Variants in HNRNPM observed in about 807,000 individuals in gnomAD.
HNRNPM encodes heterogeneous nuclear ribonucleoprotein M.
HNRNPM carries 11 observed loss-of-function variants against 73.1 expected under a neutral mutation model. The observed-to-expected ratio is 0.15, with a 90% CI of 0.09 to 0.25. The LOEUF is 0.25. Ranked by LOEUF, HNRNPM falls within the 10% of genes least tolerant of loss-of-function variation. The probability of loss-of-function intolerance (pLI) is 1.00; values close to 1 mark genes in which losing one functional copy is unlikely to be tolerated. For synonymous variants in HNRNPM, 407 were observed against 355.2 expected, an observed-to-expected ratio of 1.15 and a Z score of -1.64; for missense variants, 789 against 1,067.9, an observed-to-expected ratio of 0.74 and a Z score of 3.64.
chr19:8,448,704 C>T (rs913332009), intron 1 of HNRNPM, among the ~76,000 whole-genome samples: 6 of 151,832 alleles, frequency 4.0e-5, no homozygotes, highest in Non-Finnish European at 5.9e-5. Context: ...AGGATGGTCT[C>T]GATCTCCTGA....
intron 5 of HNRNPM, among the ~76,000 whole-genome samples, chr19:8,465,007 C>T (rs1208715687): frequency 6.6e-6 from 1 of 152,206 alleles, no homozygotes; most frequent in Non-Finnish European, 1.5e-5. Context: ...CCATGAAGCT[C>T]TAATTTCAGT....
At chr19:8,474,714 CTTTTT>C (rs59543782) in intron 12 of HNRNPM, among the ~76,000 whole-genome samples, 2 of 117,850 alleles carry the variant, frequency 1.7e-5, no homozygotes, top group Non-Finnish European at 3.9e-5. Context: ...CCTCCACCAA[CTTTTT>C]TTTTTTTTTT....
chr19:8,466,549 C>T lies in HNRNPM; in HGVS notation c.784+161C>T, dbSNP rs562620642. The stretch of plus-strand genomic sequence containing the variant: ...AATTAAGAGGTTCTCTGGGCCGGAC[C>T]GGTCACGGTGGCTCACGCCTGTAAT... On this transcript the variant is annotated intron_variant, in intron 7 of 15. Transcript: ENST00000325495. Among the ~76,000 whole-genome samples, 12 of 152,012 alleles carry T rather than the reference C, an allele frequency of 7.9e-5. No homozygotes were observed. The East Asian group carries it at 1.4e-3, about 17-fold the overall frequency.
At chr19:8,487,144 A>T in intron 15 of HNRNPM, 69 bp downstream of exon 15, 1 of 1,308,242 alleles carries the variant, frequency 7.6e-7, no homozygotes, top group Non-Finnish European at 1.1e-6. Flanking sequence ...AGTCAGCAGC[A>T]AAACCTCCCT....
At chr19:8,446,200 C>T (rs1402145685) in intron 1 of HNRNPM, among the ~76,000 whole-genome samples, 1 of 152,150 alleles carries the variant, frequency 6.6e-6, no homozygotes, top group Non-Finnish European at 1.5e-5. Context: ...GCGTATAATT[C>T]AGTGGCATTG....
intron 13 of HNRNPM, among the ~76,000 whole-genome samples, chr19:8,485,340 C>G (rs969706837): frequency 2.0e-5 from 3 of 152,194 alleles, no homozygotes; most frequent in Non-Finnish European, 4.4e-5. Flanking sequence ...ACTAGCACCT[C>G]ACAGACACAC....
At position 8,474,224 on chromosome 19, in the gene HNRNPM, T is replaced by C; in HGVS notation, c.1100T>C (p.Met367Thr). The change falls in exon 12 of 16, where the codon ATG becomes ACG. Residue 367 changes from methionine (M) to threonine (T), a missense_variant. Met to Thr is a moderately conservative substitution (Grantham distance 81, BLOSUM62 -1). Around this residue, in one of 4 missense-constraint regions of HNRNPM, gnomAD observed 604 missense variants for 744.0 expected, o/e 0.81. Transcript: ENST00000325495. ...AACATGGGTCGATTTGGATCTGGGATGAACATGGGCAGGATAAATGGTAAG... is the reference window on the plus strand; with the variant it reads ...AACATGGGTCGATTTGGATCTGGGACGAACATGGGCAGGATAAATGGTAAG... ...MENMGRFGSGMNMGRINEILS... is the reference protein window; with the variant it reads ...MENMGRFGSGTNMGRINEILS... 1 of 1,594,902 alleles carries C rather than the reference T, an allele frequency of 6.3e-7. No homozygotes were observed. The highest frequency in any genetic ancestry group is 8.5e-7 in the Non-Finnish European group (1 of 1,171,930).
Position 8,463,701 on chromosome 19 carries a change from A to G in HNRNPM, c.438+15A>G. ...AAGTCAAAGAAGTAAGCTCTTGCTTAACACTGCGGATACTGTGTGTAATTG... is the reference window on the plus strand; with the variant it reads ...AAGTCAAAGAAGTAAGCTCTTGCTTGACACTGCGGATACTGTGTGTAATTG... On this transcript the variant is annotated intron_variant, in intron 5 of 15. Transcript: ENST00000325495. The G allele has an allele frequency of 6.6e-7, 1 of 1,517,666 alleles. No individual in the cohort carries two copies. Among genetic ancestry groups the G allele is most frequent in the South Asian group, 1.1e-5 (1 of 89,040 alleles). The allele number at this position is 1,517,666 out of a possible 1,614,324, so 94.0% of individuals were successfully genotyped here. A position where few individuals can be genotyped will look rare whatever the true frequency, so the allele number is the denominator to read the frequency against.
intron 12 of HNRNPM, among the ~76,000 whole-genome samples, chr19:8,479,538 C>T (rs988532192): frequency 1.3e-5 from 2 of 152,022 alleles, no homozygotes; most frequent in Non-Finnish European, 2.9e-5. Context: ...TATGATCTCA[C>T]TGTAGCAGGC....
Position 8,471,383 on chromosome 19 carries a change from A to G in HNRNPM, c.953A>G (p.Asn318Ser), listed in dbSNP as rs762528581. Residue 318 changes from asparagine (N) to serine (S), a missense_variant, in exon 10 of 16, where the codon AAT (asparagine) becomes AGT (serine). By Grantham distance (46) the Asn-to-Ser change is conservative. This residue lies in a region of HNRNPM where 604 missense variants were observed against 744.0 expected (regional missense o/e 0.81). Transcript: ENST00000325495. ...CCAGGAGGGCAACCCATTGATGCCA[A>G]TCACCTGAATAAAGGCATCGGAATG... ...LGPGGQPIDA[N>S]HLNKGIGMGN... The G allele has an allele frequency of 6.8e-6, 11 of 1,608,836 alleles. No individual in the cohort carries two copies. Among genetic ancestry groups the G allele is most frequent in the Admixed American group, 1.7e-5 (1 of 59,286 alleles).
chr19:8,468,901 A>G (rs1969945409), intron 9 of HNRNPM, 67 bp downstream of exon 9: 3 of 1,282,344 alleles, frequency 2.3e-6, no homozygotes, highest in African/African-American at 1.5e-5. Context: ...GAAAATTACC[A>G]TATGGTTTCA....
chr19:8,485,592 C>G lies in HNRNPM; in HGVS notation c.1175-11C>G. The stretch of plus-strand genomic sequence containing the variant: ...CTTGACACCCACCTGTGTTTTGTGT[C>G]CCTGTTTCAGGTGGAGGTGGAGGAA... On this transcript the variant is annotated splice_polypyrimidine_tract_variant and intron_variant, in intron 13 of 15. Coordinates refer to ENST00000325495, the MANE Select transcript of HNRNPM (RefSeq NM_005968.5). 2 of 1,593,794 alleles carry G rather than the reference C, an allele frequency of 1.3e-6. No homozygotes were observed. The highest frequency in any genetic ancestry group is 1.7e-6 in the Non-Finnish European group (2 of 1,172,300).
chr19:8,446,504 G>A (rs1265022653), intron 1 of HNRNPM, among the ~76,000 whole-genome samples: 2 of 152,110 alleles, frequency 1.3e-5, no homozygotes, highest in Non-Finnish European at 2.9e-5. Flanking sequence ...CGAACTCCTG[G>A]GCTCAATCGA....
intron 12 of HNRNPM, among the ~76,000 whole-genome samples, chr19:8,479,772 A>AATT (rs1491516635): frequency 1.6e-3 from 65 of 41,650 alleles, no homozygotes; most frequent in African/African-American, 4.6e-3. Context: ...AAAAAAAAAA[A>AATT]TTTTTTTTTT....
chr19:8,487,156 C>A, intron 15 of HNRNPM, 81 bp downstream of exon 15: 1 of 1,168,290 alleles, frequency 8.6e-7, no homozygotes, highest in Non-Finnish European at 1.3e-6. Context: ...AACCTCCCTC[C>A]CAGCCCCCTC....
chr19:8,445,245 C>A, intron 1 of HNRNPM, 134 bp downstream of exon 1: 1 of 804,172 alleles, frequency 1.2e-6, no homozygotes, highest in Non-Finnish European at 1.7e-6. Flanking sequence ...ACCGCCTGCT[C>A]AGGGTAGCGG....
chr19:8,466,148 C>A, intron 6 of HNRNPM, 87 bp from the exon 7 acceptor site: 1 of 1,313,432 alleles, frequency 7.6e-7, no homozygotes, highest in Non-Finnish European at 1.1e-6. Context: ...TTTTTTCCAA[C>A]CAAAGCATGT....
rs1293686934 is a variant in HNRNPM at position 8,455,387 on chromosome 19, CCT to C, written c.114-10_114-9del. The C allele has an allele frequency of 8.2e-6, 13 of 1,590,152 alleles. No homozygotes were observed. The highest frequency in any genetic ancestry group is 4.5e-5 in the East Asian group (2 of 44,744). On this transcript the variant is annotated splice_polypyrimidine_tract_variant and intron_variant, in intron 1 of 15. Coordinates refer to ENST00000325495, the MANE Select transcript of HNRNPM (RefSeq NM_005968.5). The stretch of plus-strand genomic sequence containing the variant: ...ACATATAAACCCTTTACCTTTTTTT[CCT>C]CTCTCTCGAATTCAGTGAAGGAGAA...
chr19:8,457,182 A>G (rs911377774), intron 2 of HNRNPM, among the ~76,000 whole-genome samples: 4 of 152,188 alleles, frequency 2.6e-5, no homozygotes, highest in African/African-American at 4.8e-5. Flanking sequence ...TTTCATTTTT[A>G]GGAGTGTGTG....
Sources: gnomAD v4.1 joint callset for allele counts (sites outside exome capture counted in the v4.1 genomes callset) on GRCh38, gnomAD v4.1.1 for gene constraint, gnomAD v4.1.1 regional missense constraint, MANE v1.5 for transcripts, NCBI Gene and HGNC (gene_info 2026-07-23, HGNC 2026-07-21) for gene names.